Variants in SPATC1L observed in about 807,000 individuals in gnomAD.
SPATC1L encodes the protein spermatogenesis and centriole associated 1 like.
SPATC1L carries 20 observed loss-of-function variants against 21.2 expected under a neutral mutation model. The ratio of observed to expected loss-of-function variants is 0.94; its 90% CI spans 0.66 to 1.37. The LOEUF is 1.37. Ranked by LOEUF, SPATC1L falls within the 40% of genes most tolerant of loss-of-function variation. The pLI is 0.00. For synonymous variants in SPATC1L, 290 were observed against 234.5 expected, an observed-to-expected ratio of 1.24 and a Z score of -2.16; for missense variants, 499 against 478.7, an observed-to-expected ratio of 1.04 and a Z score of -0.40.
chr21:46,162,035 C>T lies in SPATC1L; in HGVS notation c.577G>A (p.Ala193Thr), dbSNP rs113146399. 119,358 of 1,589,382 alleles carry T rather than the reference C, an allele frequency of 0.075. 5,339 individuals are homozygous for T. The highest frequency in any genetic ancestry group is 0.084 in the Non-Finnish European group (97,861 of 1,170,236). Residue 193 changes from alanine to threonine, a missense_variant, in exon 4 of 5, where the codon GCG becomes ACG. Coordinates refer to ENST00000291672, the MANE Select transcript of SPATC1L (RefSeq NM_001142854.2). ...AAGGCGATCTCGCCCACCACGCGCG[C>T]GTCCTTCTCGGCGCCCGCGAAGCTC... ...IQSFAGAEKD[A>T]RVVGEIAFQL... is the part of the protein sequence containing the mutation.
At chr21:46,164,298 C>T (rs149793501) in intron 3 of SPATC1L, among the ~76,000 whole-genome samples, 2 of 152,258 alleles carry the variant, frequency 1.3e-5, no homozygotes, top group Non-Finnish European at 1.5e-5. Context: ...CAGGTGTGAG[C>T]CACTGTGCCT....
In SPATC1L at chr21:46,161,341, C is replaced by G; in HGVS notation, c.*38G>C. ...CACCGCGGCCCCGGGTTGGAACAAACGCGTTTACTGCAGGCAAGGCGGCGG... is the reference window on the plus strand; with the variant it reads ...CACCGCGGCCCCGGGTTGGAACAAAGGCGTTTACTGCAGGCAAGGCGGCGG... On this transcript the variant is annotated 3_prime_UTR_variant, in exon 5 of 5. Coordinates refer to ENST00000291672, the MANE Select transcript of SPATC1L (RefSeq NM_001142854.2). 4 of 1,474,390 alleles carry G rather than the reference C, an allele frequency of 2.7e-6. No individual in the cohort carries two copies. The highest frequency in any genetic ancestry group is 3.6e-6 in the Non-Finnish European group (4 of 1,117,708). 91.3% of individuals were successfully genotyped at this position (1,474,390 alleles called of 1,614,324 possible).
chr21:46,161,692 G>A lies in SPATC1L; in HGVS notation c.710C>T (p.Ser237Phe), dbSNP rs1389966371. The change falls in exon 5 of 5, where the codon TCT (serine) becomes TTT (phenylalanine). Residue 237 changes from serine to phenylalanine, a missense_variant. Ser to Phe is a radical substitution (Grantham distance 155). Transcript: ENST00000291672. ...PEKIEQTSTK[S>F]LDGSVDERKL... is the part of the protein sequence containing the mutation. ...CCTCTCGTCCACGGAGCCGTCCAGAGACTTGGTGGAGGTCTGCGGGCGCAG... is the reference window on the plus strand; with the variant it reads ...CCTCTCGTCCACGGAGCCGTCCAGAAACTTGGTGGAGGTCTGCGGGCGCAG... The A allele has an allele frequency of 1.9e-6, 3 of 1,598,622 alleles. No homozygotes were observed. The South Asian group carries it at 3.3e-5, about 18-fold the overall frequency.
At chr21:46,173,257 T>A (rs1295214373) in intron 2 of SPATC1L, among the ~76,000 whole-genome samples, 1 of 152,178 alleles carries the variant, frequency 6.6e-6, no homozygotes, top group Admixed American at 6.5e-5. Context: ...TGGCCATGCC[T>A]GCTTGCAGGG....
rs142796974 is a variant in SPATC1L, at chr21:46,163,085, G to C, written c.545-1018C>G. ...GCATTTCACTAACGACTAGTGATTC[G>C]AGCATCTTTTCACGTGCTTATTGGC... On this transcript the variant is annotated intron_variant, in intron 3 of 4. Transcript: ENST00000291672. Among the ~76,000 whole-genome samples, 270 of 152,280 alleles carry C rather than the reference G, an allele frequency of 1.8e-3. 2 individuals carry two copies. The highest frequency in any genetic ancestry group is 5.8e-3 in the African/African-American group (241 of 41,536).
intron 3 of SPATC1L, among the ~76,000 whole-genome samples, chr21:46,167,553 G>A (rs999354981): frequency 1.3e-5 from 2 of 152,144 alleles, no homozygotes; most frequent in Non-Finnish European, 2.9e-5. Flanking sequence ...GGTGGCTCAT[G>A]CCTGTAATCC....
intron 2 of SPATC1L, among the ~76,000 whole-genome samples, chr21:46,175,944 A>G (rs1485778059): frequency 3.3e-5 from 5 of 152,214 alleles, no homozygotes; most frequent in African/African-American, 1.2e-4. Flanking sequence ...CAGCACATCA[A>G]AAAGCTTATC....
chr21:46,167,871 C>A (rs2079551741), intron 3 of SPATC1L, among the ~76,000 whole-genome samples: 5 of 152,160 alleles, frequency 3.3e-5, no homozygotes. Context: ...AGGAGAGAAT[C>A]TGTGTGACCT....
At position 46,161,430 on chromosome 21, in the gene SPATC1L, G is replaced by T; in HGVS notation, c.972C>A (p.Asn324Lys). The T allele has an allele frequency of 1.3e-6, 2 of 1,573,824 alleles. No individual in the cohort carries two copies. Among genetic ancestry groups the T allele is most frequent in the Non-Finnish European group, 1.7e-6 (2 of 1,160,618 alleles). ...KFLGDSLLLL[N>K]CLCELSKEDG... is the part of the protein sequence containing the mutation. Reference sequence around the variant, plus strand: ...CCTCCTTGGAGAGCTCGCACAGGCAGTTGAGCAGCAGCAGCGAGTCGCCCA... The same window carrying T: ...CCTCCTTGGAGAGCTCGCACAGGCATTTGAGCAGCAGCAGCGAGTCGCCCA... Residue 324 changes from asparagine to lysine, a missense_variant, in exon 5 of 5, where the codon AAC becomes AAA. Transcript: ENST00000291672.
intron 3 of SPATC1L, among the ~76,000 whole-genome samples, chr21:46,164,606 A>C (rs771446806): frequency 2.6e-5 from 4 of 152,020 alleles, no homozygotes. Context: ...AGCTTGGCAA[A>C]CATGGTGAAA....
intron 2 of SPATC1L, among the ~76,000 whole-genome samples, chr21:46,178,032 G>A (rs1464215996): frequency 6.6e-6 from 1 of 152,012 alleles, no homozygotes. Context: ...TCAGGAGTTC[G>A]AGACCAGCCT....
rs975146735 is a variant in SPATC1L, at chr21:46,168,472, C to T, written c.380G>A (p.Arg127Gln). Residue 127 changes from arginine to glutamine, a missense_variant, in exon 3 of 5, where the codon CGA becomes CAA. By Grantham distance (43) the Arg-to-Gln change is conservative (BLOSUM62 1). Coordinates refer to ENST00000291672, the MANE Select transcript of SPATC1L (RefSeq NM_001142854.2). ...FLSPPEPHSH[R>Q]GTDRKLSPLL... is the part of the protein sequence containing the mutation. The stretch of plus-strand genomic sequence containing the variant: ...CGGGGACAGCTTCCTGTCGGTGCCT[C>T]GGTGGCTATGTGGCTCTGGGGGACT... 11 of 1,583,756 alleles carry T rather than the reference C, an allele frequency of 6.9e-6. 1 individual carries two copies. The Admixed American group carries it at 1.1e-4, about 16-fold the overall frequency.
At chr21:46,166,790 T>G (rs972990290) in intron 3 of SPATC1L, among the ~76,000 whole-genome samples, 1 of 152,206 alleles carries the variant, frequency 6.6e-6, no homozygotes, top group Non-Finnish European at 1.5e-5. Context: ...CAAATATTAC[T>G]AGAGCTAAAT....
intron 2 of SPATC1L, among the ~76,000 whole-genome samples, chr21:46,172,513 A>T (rs2079601500): frequency 6.6e-6 from 1 of 152,250 alleles, no homozygotes; most frequent in African/African-American, 2.4e-5. Flanking sequence ...CAGCCTGTGC[A>T]AACCTCCCTC....
At chr21:46,162,866 C>A (rs907171018) in intron 3 of SPATC1L, among the ~76,000 whole-genome samples, 2 of 152,094 alleles carry the variant, frequency 1.3e-5, no homozygotes, top group African/African-American at 2.4e-5. Context: ...GGATTACAGG[C>A]GTGAGCCACC....
At position 46,161,684 on chromosome 21, in the gene SPATC1L, C is replaced by G. The variant is rs2079493833; in HGVS notation, c.718G>C (p.Gly240Arg). 1 of 1,601,426 alleles carries G rather than the reference C, an allele frequency of 6.2e-7. No homozygotes were observed. Among genetic ancestry groups the G allele is most frequent in the Non-Finnish European group, 8.5e-7 (1 of 1,174,112 alleles). ...IEQTSTKSLD[G>R]SVDERKLREL... ...CGCAGCTTCCTCTCGTCCACGGAGC[C>G]GTCCAGAGACTTGGTGGAGGTCTGC... Residue 240 changes from glycine (G) to arginine (R), a missense_variant, in exon 5 of 5, where the codon GGC becomes CGC. Coordinates refer to ENST00000291672, the MANE Select transcript of SPATC1L (RefSeq NM_001142854.2).
chr21:46,175,129 C>A (rs1186506595), intron 2 of SPATC1L, among the ~76,000 whole-genome samples: 1 of 152,170 alleles, frequency 6.6e-6, no homozygotes, highest in Non-Finnish European at 1.5e-5. Context: ...AAAAATACAA[C>A]ATACCAGAAT....
At chr21:46,179,338 G>T (rs2079655221) in intron 2 of SPATC1L, among the ~76,000 whole-genome samples, 2 of 152,094 alleles carry the variant, frequency 1.3e-5, no homozygotes, top group South Asian at 2.1e-4. Flanking sequence ...TTAAGCCCAG[G>T]AGTTCAAGAC....
intron 2 of SPATC1L, 26 bp downstream of exon 2, chr21:46,182,598 G>A: frequency 1.4e-6 from 2 of 1,435,504 alleles, no homozygotes; most frequent in South Asian, 2.9e-5. Context: ...CATCTACCAG[G>A]CCATCTGAGC....
Sources: allele counts gnomAD v4.1 joint callset (sites outside exome capture counted in the v4.1 genomes callset), GRCh38; gene constraint gnomAD v4.1.1; transcripts MANE v1.5; gene names NCBI Gene and HGNC (gene_info 2026-07-23, HGNC 2026-07-21).